Variants in TBC1D5 observed in about 807,000 individuals in gnomAD.
TBC1D5 encodes the protein TBC1 domain family member 5.
TBC1D5 carries 75 observed loss-of-function variants against 100.3 expected under a neutral mutation model. The ratio of observed to expected loss-of-function variants is 0.75; its 90% confidence interval spans 0.62 to 0.91. TBC1D5 has a LOEUF of 0.91. Among genes scored for constraint, TBC1D5 ranks in the 40% least tolerant of loss-of-function variants. The pLI is 0.00. For missense variants in TBC1D5, 910 were observed against 942.4 expected, an observed-to-expected ratio of 0.97 and a Z score of 0.45; for synonymous variants, 323 against 325.6, an observed-to-expected ratio of 0.99 and a Z score of 0.09.
chr3:17,404,800 G>A (rs775435531), intron 6 of TBC1D5, 32 bp from the exon 7 acceptor site: 3 of 1,582,306 alleles, frequency 1.9e-6, no homozygotes, highest in South Asian at 2.3e-5. Flanking sequence ...CACACACAAG[G>A]ATCAGAGGCT....
intron 3 of TBC1D5, among the ~76,000 whole-genome samples, chr3:17,446,900 G>A (rs1006513608): frequency 6.6e-5 from 10 of 151,440 alleles, no homozygotes; most frequent in African/African-American, 2.4e-4. Flanking sequence ...GAACCTGGGA[G>A]GCGGAGCTTG....
chr3:17,319,918 T>C (rs187956577), intron 13 of TBC1D5, among the ~76,000 whole-genome samples: 4 of 152,264 alleles, frequency 2.6e-5, no homozygotes, highest in Non-Finnish European at 4.4e-5. Context: ...TATTTTTAAA[T>C]TTAACAATGA....
At chr3:17,441,782 T>C (rs1257178578) in intron 3 of TBC1D5, among the ~76,000 whole-genome samples, 1 of 152,202 alleles carries the variant, frequency 6.6e-6, no homozygotes, top group Non-Finnish European at 1.5e-5. Flanking sequence ...AAACAATTAT[T>C]TATTTATTTT....
intron 9 of TBC1D5, among the ~76,000 whole-genome samples, chr3:17,377,169 T>C (rs2092741996): frequency 6.6e-6 from 1 of 152,124 alleles, no homozygotes; most frequent in African/African-American, 2.4e-5. Context: ...AAATAGGATT[T>C]AACATGTTTA....
At chr3:17,224,178 T>A (rs2074594257) in intron 17 of TBC1D5, among the ~76,000 whole-genome samples, 1 of 152,120 alleles carries the variant, frequency 6.6e-6, no homozygotes, top group South Asian at 2.1e-4. Flanking sequence ...ATGGACAAAT[T>A]TCACTAAGGG....
intron 1 of TBC1D5, among the ~76,000 whole-genome samples, chr3:17,739,072 G>A (rs1437717980): frequency 1.3e-5 from 2 of 152,048 alleles, no homozygotes; most frequent in African/African-American, 4.8e-5. Flanking sequence ...TCCGTCAAAT[G>A]ATCTCCCTCC....
chr3:17,594,951 G>A (rs2060472344), intron 2 of TBC1D5, among the ~76,000 whole-genome samples: 1 of 152,092 alleles, frequency 6.6e-6, no homozygotes, highest in African/African-American at 2.4e-5. Context: ...ACCATTTGAG[G>A]CAGTGGGCTG....
chr3:17,529,142 A>AAACCC (rs2096181384), intron 2 of TBC1D5, among the ~76,000 whole-genome samples: 1 of 152,126 alleles, frequency 6.6e-6, no homozygotes, highest in Non-Finnish European at 1.5e-5. Context: ...TCGATGAGTG[A>AAACCC]CTACTCACAG....
At chr3:17,590,686 G>T (rs2096760953) in intron 2 of TBC1D5, among the ~76,000 whole-genome samples, 1 of 152,132 alleles carries the variant, frequency 6.6e-6, no homozygotes, top group Admixed American at 6.5e-5. Context: ...AATACGATGG[G>T]AACAGTTGGA....
At chr3:17,370,324 C>G (rs1027892041) in intron 13 of TBC1D5, among the ~76,000 whole-genome samples, 3 of 152,156 alleles carry the variant, frequency 2.0e-5, no homozygotes, top group African/African-American at 7.2e-5. Flanking sequence ...TGGATCTTAG[C>G]AAGCAATTTT....
At chr3:17,266,447 C>T (rs2078858197) in intron 15 of TBC1D5, among the ~76,000 whole-genome samples, 1 of 151,962 alleles carries the variant, frequency 6.6e-6, no homozygotes, top group African/African-American at 2.4e-5. Context: ...TTACTTGTGA[C>T]TAAGGACAAT....
intron 8 of TBC1D5, among the ~76,000 whole-genome samples, chr3:17,388,613 T>G (rs983294896): frequency 1.3e-5 from 2 of 148,262 alleles, no homozygotes; most frequent in African/African-American, 2.5e-5. Flanking sequence ...CTTTGAAAGG[T>G]CAAGGCAGGA....
At chr3:17,309,335 A>G (rs1483902882) in intron 13 of TBC1D5, among the ~76,000 whole-genome samples, 1 of 151,998 alleles carries the variant, frequency 6.6e-6, no homozygotes, top group African/African-American at 2.4e-5. Flanking sequence ...TCACATTCTC[A>G]TATTAATCAA....
intron 8 of TBC1D5, among the ~76,000 whole-genome samples, chr3:17,393,442 T>C (rs2093415373): frequency 1.3e-5 from 2 of 152,108 alleles, no homozygotes; most frequent in South Asian, 4.1e-4. Flanking sequence ...CAACCTACCA[T>C]TGACTGTCTT....
At chr3:17,509,101 C>A (rs2095873971) in intron 2 of TBC1D5, among the ~76,000 whole-genome samples, 1 of 151,732 alleles carries the variant, frequency 6.6e-6, no homozygotes, top group African/African-American at 2.4e-5. Context: ...TAATGTGACC[C>A]ATAACATGGT....
At chr3:17,201,232 C>A (rs971517391) in intron 18 of TBC1D5, among the ~76,000 whole-genome samples, 2 of 152,056 alleles carry the variant, frequency 1.3e-5, no homozygotes, top group Non-Finnish European at 1.5e-5. Flanking sequence ...TCTTTCAGTG[C>A]AGAATTTGGA....
chr3:17,434,473 G>C (rs1214264566), intron 3 of TBC1D5, among the ~76,000 whole-genome samples: 1 of 152,188 alleles, frequency 6.6e-6, no homozygotes, highest in Non-Finnish European at 1.5e-5. Flanking sequence ...GATTCTTTTA[G>C]TTACAGCTGG....
intron 18 of TBC1D5, among the ~76,000 whole-genome samples, chr3:17,200,977 C>T (rs555906156): frequency 6.4e-4 from 97 of 152,254 alleles, no homozygotes; most frequent in African/African-American, 2.0e-3. Flanking sequence ...GTGTAAATGA[C>T]TTGGTGTGCT....
intron 2 of TBC1D5, among the ~76,000 whole-genome samples, chr3:17,574,195 C>T (rs965158277): frequency 6.6e-6 from 1 of 152,040 alleles, no homozygotes; most frequent in Non-Finnish European, 1.5e-5. Flanking sequence ...TCAGCTAACA[C>T]TCACCTACCA....
Sources: allele counts gnomAD v4.1 joint callset (sites outside exome capture counted in the v4.1 genomes callset), GRCh38; gene constraint gnomAD v4.1.1; transcripts MANE v1.5; gene names NCBI Gene and HGNC (gene_info 2026-07-23, HGNC 2026-07-21).